Variants in PLEKHA8 observed in about 807,000 individuals in gnomAD.
The protein encoded by PLEKHA8 is pleckstrin homology domain containing A8.
Under a neutral mutation model 68.2 loss-of-function variants are expected in PLEKHA8, and 36 were observed. That is an observed-to-expected ratio of 0.53 (90% confidence interval 0.40 to 0.70). PLEKHA8 has a LOEUF of 0.70. PLEKHA8 is among the 30% of genes least tolerant of loss of function. The pLI, the probability that PLEKHA8 is intolerant of heterozygous loss-of-function variation, is 0.00. For synonymous variants in PLEKHA8, 211 were observed against 216.1 expected (o/e 0.98, Z 0.20); for missense variants, 505 against 615.4 (o/e 0.82, Z 1.90).
intron 13 of PLEKHA8, among the ~76,000 whole-genome samples, chr7:30,077,812 CAG>C (rs1216367380): frequency 2.0e-5 from 3 of 152,074 alleles, no homozygotes; most frequent in African/African-American, 7.2e-5. Flanking sequence ...CGCCAGAAAA[CAG>C]ATTTTAGCAA....
At chr7:30,058,957 T>A (rs1230142372) in intron 9 of PLEKHA8, among the ~76,000 whole-genome samples, 1 of 152,172 alleles carries the variant, frequency 6.6e-6, no homozygotes, top group Non-Finnish European at 1.5e-5. Context: ...TAAGACCCTG[T>A]CTCTATGAAA....
Position 30,082,927 on chromosome 7 carries a change from T to C in PLEKHA8, c.*4140T>C. 1 of 985,398 alleles carries C rather than the reference T, an allele frequency of 1.0e-6. No individual in the cohort carries two copies. Among genetic ancestry groups the C allele is most frequent in the Non-Finnish European group, 1.2e-6 (1 of 829,926 alleles). 61.0% of individuals were successfully genotyped at this position (985,398 alleles called of 1,614,324 possible). A position where few individuals can be genotyped will look rare whatever the true frequency, so the allele number is the denominator to read the frequency against. On this transcript the variant is annotated 3_prime_UTR_variant, in exon 14 of 14. Transcript: ENST00000449726. ...ACTACCATGTCCTACAAGAACTTGG[T>C]TATATAATGGTGCGTCTCTGAATCA...
intron 13 of PLEKHA8, among the ~76,000 whole-genome samples, chr7:30,128,961 G>A (rs2128026838): frequency 6.6e-6 from 1 of 152,274 alleles, no homozygotes; most frequent in African/African-American, 2.4e-5. Flanking sequence ...TGCAGGGATG[G>A]CCCCAAGCCA....
At chr7:30,115,903 TATAC>T (rs567604966) in intron 13 of PLEKHA8, 1,878 of 131,814 alleles carry the variant, frequency 0.014, 203 homozygotes, top group African/African-American at 0.046. Flanking sequence ...TACATGCATG[TATAC>T]ATGCATGCGT....
intron 11 of PLEKHA8, 81 bp from the exon 12 acceptor site, chr7:30,062,591 A>T: frequency 3.1e-6 from 3 of 980,222 alleles, no homozygotes; most frequent in Non-Finnish European, 4.8e-6. Context: ...CTGAAATGGA[A>T]GCTGATGTCT....
intron 1 of PLEKHA8, among the ~76,000 whole-genome samples, chr7:30,043,493 T>G (rs1441060601): frequency 1.3e-5 from 2 of 152,162 alleles, no homozygotes; most frequent in African/African-American, 2.4e-5. Context: ...ATTACTTATC[T>G]TTGGTGAGAA....
chr7:30,056,439 T>C (rs903623421), intron 9 of PLEKHA8, among the ~76,000 whole-genome samples: 8 of 146,034 alleles, frequency 5.5e-5, no homozygotes, highest in African/African-American at 7.5e-5. Flanking sequence ...AAATAAAATG[T>C]ATGTTATGGC....
At chr7:30,076,620 A>G (rs1794624566) in intron 13 of PLEKHA8, among the ~76,000 whole-genome samples, 1 of 152,194 alleles carries the variant, frequency 6.6e-6, no homozygotes, top group South Asian at 2.1e-4. Flanking sequence ...TAATATACCC[A>G]AGGTTGTAGA....
At chr7:30,059,368 G>A (rs1417080539) in intron 9 of PLEKHA8, among the ~76,000 whole-genome samples, 1 of 152,130 alleles carries the variant, frequency 6.6e-6, no homozygotes, top group African/African-American at 2.4e-5. Flanking sequence ...TTATAATCAT[G>A]AATGAGTTAA....
intron 13 of PLEKHA8, among the ~76,000 whole-genome samples, chr7:30,114,665 T>A (rs1389674533): frequency 6.6e-6 from 1 of 152,212 alleles, no homozygotes; most frequent in Non-Finnish European, 1.5e-5. Flanking sequence ...CCTCCTGCAT[T>A]TCATTATTTG....
At chr7:30,037,996 GT>G (rs988607322) in intron 1 of PLEKHA8, among the ~76,000 whole-genome samples, 3 of 151,882 alleles carry the variant, frequency 2.0e-5, no homozygotes, top group Non-Finnish European at 4.4e-5. Flanking sequence ...ATTTTTAATT[GT>G]TTTTCCTGTT....
intron 13 of PLEKHA8, among the ~76,000 whole-genome samples, chr7:30,108,982 T>C (rs575920845): frequency 2.6e-5 from 4 of 152,314 alleles, no homozygotes; most frequent in Admixed American, 1.3e-4. Flanking sequence ...GGGCTAGTGA[T>C]ACCCATGAAA....
At chr7:30,047,377 G>T (rs1269451986) in intron 3 of PLEKHA8, among the ~76,000 whole-genome samples, 1 of 152,154 alleles carries the variant, frequency 6.6e-6, no homozygotes, top group Non-Finnish European at 1.5e-5. Context: ...TATGAACGGT[G>T]TTCTTAGTGG....
At chr7:30,095,157 T>G (rs1162712360), downstream of PLEKHA8, among the ~76,000 whole-genome samples, 1 of 152,218 alleles carries the variant, frequency 6.6e-6, no homozygotes, top group African/African-American at 2.4e-5. Context: ...GTAAAAGTGT[T>G]CCATTTCTCC....
At chr7:30,097,186 C>T (rs569378757) in intron 13 of PLEKHA8, among the ~76,000 whole-genome samples, 247 of 152,216 alleles carry the variant, frequency 1.6e-3, no homozygotes, top group African/African-American at 5.7e-3. Flanking sequence ...GAGTTACTGC[C>T]GAGAGATCAG....
intron 12 of PLEKHA8, among the ~76,000 whole-genome samples, chr7:30,063,732 A>C (rs1019856560): frequency 1.3e-5 from 2 of 152,194 alleles, no homozygotes; most frequent in African/African-American, 2.4e-5. Context: ...CTTTGTGAAC[A>C]ATGTAGACTT....
chr7:30,071,519 C>G (rs537485629), intron 12 of PLEKHA8, among the ~76,000 whole-genome samples: 1 of 152,320 alleles, frequency 6.6e-6, no homozygotes, highest in East Asian at 1.9e-4. Context: ...GCACTGCATA[C>G]AGATAGCTAC....
In PLEKHA8 at chr7:30,117,091, T is replaced by C. The variant is rs532515961; in HGVS notation, c.1363-12175T>C. On this transcript the variant is annotated intron_variant, in intron 13 of 13. Coordinates refer to the PLEKHA8 transcript ENST00000396257. Reference sequence around the variant, plus strand: ...TGACGTAATGACTGTGGAAGGCAGATTGAACGTTATTAAGGAGACAGCCTG... The same window carrying C: ...TGACGTAATGACTGTGGAAGGCAGACTGAACGTTATTAAGGAGACAGCCTG... Among the ~76,000 whole-genome samples, 86 of 152,306 alleles carry C rather than the reference T, an allele frequency of 5.6e-4. 1 individual carries two copies. In the South Asian group the frequency reaches 7.7e-3, roughly 14 times the overall value.
chr7:30,093,896 T>G (rs2128007232), downstream of PLEKHA8, among the ~76,000 whole-genome samples: 1 of 152,358 alleles, frequency 6.6e-6, no homozygotes, highest in East Asian at 1.9e-4. Context: ...GTTTACAAAC[T>G]GGGTCACCTT....
Sources: allele counts gnomAD v4.1 joint callset (sites outside exome capture counted in the v4.1 genomes callset), GRCh38; gene constraint gnomAD v4.1.1; transcripts MANE v1.5; gene names NCBI Gene and HGNC (gene_info 2026-07-23, HGNC 2026-07-21).